Variants in SLC39A11 observed in about 807,000 individuals in gnomAD.
The protein encoded by SLC39A11 is zinc transporter ZIP11.
A neutral mutation model predicts 36.1 loss-of-function variants in SLC39A11; 33 were observed. The ratio of observed to expected loss-of-function variants is 0.91; its 90% CI spans 0.69 to 1.22. The LOEUF (loss-of-function observed/expected upper bound fraction) is 1.22, where lower values mean the gene tolerates loss of function less well. Among genes scored for constraint, SLC39A11 ranks in the 50% most tolerant of loss-of-function variants. The probability of loss-of-function intolerance (pLI) is 0.00; values close to 1 mark genes in which losing one functional copy is unlikely to be tolerated. For missense variants in SLC39A11, 432 were observed against 430.3 expected (o/e 1.00, Z -0.03); for synonymous variants, 166 against 170.3 (o/e 0.97, Z 0.20).
At chr17:72,961,213 A>G (rs1372937147) in intron 4 of SLC39A11, among the ~76,000 whole-genome samples, 1 of 152,192 alleles carries the variant, frequency 6.6e-6, no homozygotes, top group Non-Finnish European at 1.5e-5. Flanking sequence ...CATCAGTTAG[A>G]ATGGCGATCA....
intron 6 of SLC39A11, among the ~76,000 whole-genome samples, chr17:72,816,700 C>T (rs777993347): frequency 2.4e-4 from 37 of 152,110 alleles, no homozygotes; most frequent in Non-Finnish European, 4.0e-4. Context: ...CCCAGGTGTC[C>T]GTAGCCCAGC....
intron 6 of SLC39A11, among the ~76,000 whole-genome samples, chr17:72,816,474 C>T (rs1173367921): frequency 1.3e-5 from 2 of 151,166 alleles, no homozygotes; most frequent in Non-Finnish European, 2.9e-5. Context: ...AGCTGTGGCA[C>T]AACTGCTTGA....
intron 7 of SLC39A11, among the ~76,000 whole-genome samples, chr17:72,714,406 CAATGA>C: frequency 6.6e-6 from 1 of 151,668 alleles, no homozygotes; most frequent in East Asian, 1.9e-4. Flanking sequence ...CGGTTTTTGC[CAATGA>C]AATGGCAAAA....
chr17:73,029,173 C>T (rs2058663526), intron 4 of SLC39A11, among the ~76,000 whole-genome samples: 1 of 151,606 alleles, frequency 6.6e-6, no homozygotes, highest in Non-Finnish European at 1.5e-5. Flanking sequence ...TGACTGTTTA[C>T]ACCGCCCAGA....
chr17:72,696,402 T>C (rs995125108), intron 7 of SLC39A11, among the ~76,000 whole-genome samples: 4 of 152,194 alleles, frequency 2.6e-5, no homozygotes, highest in African/African-American at 9.7e-5. Context: ...AGAGGGGACG[T>C]GGCTAATACT....
At chr17:72,837,579 C>A (rs1364182094) in intron 6 of SLC39A11, among the ~76,000 whole-genome samples, 1 of 152,080 alleles carries the variant, frequency 6.6e-6, no homozygotes, top group African/African-American at 2.4e-5. Context: ...CAGGTCCATA[C>A]AAAGACATAA....
rs371881794 is a variant in SLC39A11, at chr17:73,004,219, GAAAGAAAGAAAGA to G, written c.306+27324_306+27336del. On this transcript the variant is annotated intron_variant, in intron 4 of 9. Transcript: ENST00000255559. ...AGAAAGAAAGAAAGAAAGAAAGAAA[GAAAGAAAGAAAGA>G]AAAGAAAGAAAGAGAAAAAGCAAGC... Among the ~76,000 whole-genome samples the G allele has an allele frequency of 8.3e-3, 660 of 79,314 alleles. 39 individuals carry two copies. Among genetic ancestry groups the G allele is most frequent in the Admixed American group, 0.017 (137 of 8,030 alleles). The allele number at this position is 79,314 out of a possible 152,430, so 52.0% of individuals were successfully genotyped here.
At chr17:73,006,931 G>A (rs1434880027) in intron 4 of SLC39A11, among the ~76,000 whole-genome samples, 1 of 152,074 alleles carries the variant, frequency 6.6e-6, no homozygotes, top group African/African-American at 2.4e-5. Flanking sequence ...AAAGCTCCAG[G>A]CTGAACACTC....
intron 3 of SLC39A11, among the ~76,000 whole-genome samples, chr17:73,032,963 G>A (rs931819772): frequency 1.3e-5 from 2 of 152,152 alleles, no homozygotes; most frequent in African/African-American, 4.8e-5. Context: ...ACAGGCCAGC[G>A]GTCCCCAATC....
At chr17:72,919,391 G>A (rs2083509922) in intron 5 of SLC39A11, among the ~76,000 whole-genome samples, 1 of 152,106 alleles carries the variant, frequency 6.6e-6, no homozygotes, top group Non-Finnish European at 1.5e-5. Flanking sequence ...GAAGAGAAAG[G>A]GAGAGAACTT....
intron 6 of SLC39A11, among the ~76,000 whole-genome samples, chr17:72,789,169 A>C (rs1369464759): frequency 1.3e-5 from 2 of 151,730 alleles, no homozygotes; most frequent in Non-Finnish European, 2.9e-5. Flanking sequence ...AGAGCAGCTG[A>C]GACTACACGC....
chr17:72,743,200 G>T (rs955297581), intron 6 of SLC39A11, among the ~76,000 whole-genome samples: 5 of 152,132 alleles, frequency 3.3e-5, no homozygotes, highest in African/African-American at 1.2e-4. Context: ...AGCTGGGGGG[G>T]CTAGAGCTGG....
At chr17:72,810,147 T>C (rs1450427987) in intron 6 of SLC39A11, among the ~76,000 whole-genome samples, 1 of 151,588 alleles carries the variant, frequency 6.6e-6, no homozygotes, top group Admixed American at 6.6e-5. Context: ...TTGAATACTC[T>C]CTTAAGAAAA....
intron 6 of SLC39A11, among the ~76,000 whole-genome samples, chr17:72,754,318 TAA>T (rs1273575438): frequency 6.6e-6 from 1 of 151,930 alleles, no homozygotes; most frequent in East Asian, 1.9e-4. Flanking sequence ...GGGTGAGGGA[TAA>T]AAGACTACAA....
chr17:72,823,162 G>A (rs910529509), intron 6 of SLC39A11, among the ~76,000 whole-genome samples: 6 of 151,186 alleles, frequency 4.0e-5, no homozygotes, highest in African/African-American at 9.7e-5. Context: ...AACAAATACC[G>A]TGAGAACTCT....
chr17:73,040,395 T>C (rs769120098), intron 3 of SLC39A11, among the ~76,000 whole-genome samples: 2 of 152,314 alleles, frequency 1.3e-5, no homozygotes, highest in Non-Finnish European at 2.9e-5. Context: ...CTGCTGTAAA[T>C]TACACTTTAA....
chr17:72,904,739 C>T (rs1208379400), intron 5 of SLC39A11, among the ~76,000 whole-genome samples: 1 of 152,152 alleles, frequency 6.6e-6, no homozygotes, highest in Non-Finnish European at 1.5e-5. Context: ...ACTTCATAGG[C>T]ATGAAAAGCC....
intron 7 of SLC39A11, among the ~76,000 whole-genome samples, chr17:72,691,485 G>GA (rs1462003827): frequency 6.6e-6 from 1 of 152,178 alleles, no homozygotes; most frequent in Non-Finnish European, 1.5e-5. Context: ...GTTACTTACT[G>GA]AACACCTACT....
At position 73,012,399 on chromosome 17, in the gene SLC39A11, T is replaced by C. The variant is rs1020298363; in HGVS notation, c.306+19157A>G. On this transcript the variant is annotated intron_variant, in intron 4 of 9. Coordinates refer to ENST00000255559, the MANE Select transcript of SLC39A11 (RefSeq NM_139177.4). ...TACGTGACTATATCAAAACATTTAA[T>C]GTGCCCCATATACACCTACTACGCA... Among the ~76,000 whole-genome samples the C allele has an allele frequency of 2.6e-5, 4 of 152,210 alleles. No homozygotes were observed. The East Asian group carries it at 7.7e-4, about 29-fold the overall frequency.
Sources: gnomAD v4.1 joint callset for allele counts (sites outside exome capture counted in the v4.1 genomes callset) on GRCh38, gnomAD v4.1.1 for gene constraint, MANE v1.5 for transcripts, NCBI Gene and HGNC (gene_info 2026-07-23, HGNC 2026-07-21) for gene names.